MYZAP: variants seen among roughly 807,000 people sequenced by gnomAD.
MYZAP encodes the protein myocardial zonula adherens protein, also known as GRINL1A complex locus upstream.
In MYZAP, 66 loss-of-function variants were observed where a neutral mutation model predicts 69.4. The observed-to-expected ratio is 0.95, with a 90% CI of 0.78 to 1.17. The LOEUF (loss-of-function observed/expected upper bound fraction) is 1.17. MYZAP is among the 50% of genes most tolerant of loss of function. MYZAP has a pLI of 0.00. For synonymous variants in MYZAP, 256 were observed against 205.9 expected, an observed-to-expected ratio of 1.24 and a Z score of -2.09; for missense variants, 611 against 556.2, an observed-to-expected ratio of 1.10 and a Z score of -0.99.
Position 57,661,460 on chromosome 15 carries a change from TAAAGAA to T in MYZAP, c.1135_1140del (p.Lys379_Lys380del). On this transcript the variant is annotated inframe_deletion, in exon 11 of 13. Coordinates refer to ENST00000267853, the MANE Select transcript of MYZAP (RefSeq NM_001018100.5). ...TCCCTTTCTTTCTAGATTGAATCATTAAAGAAAAAGTTGCAACAGAAACAGCTCTTA... is the reference window on the plus strand; with the variant it reads ...TCCCTTTCTTTCTAGATTGAATCATTAAAGTTGCAACAGAAACAGCTCTTA... 1.9e-6 allele frequency: 3 copies of T among 1,607,586 alleles called. No homozygotes were observed. The highest frequency in any genetic ancestry group is 1.7e-6 in the Non-Finnish European group (2 of 1,177,750).
At chr15:57,660,017 C>T (rs148098617) in intron 10 of MYZAP, among the ~76,000 whole-genome samples, 3 of 152,272 alleles carry the variant, frequency 2.0e-5, no homozygotes, top group East Asian at 3.9e-4. Flanking sequence ...AGTATACTGT[C>T]TACCTTGCCA....
At position 57,629,796 on chromosome 15, in the gene MYZAP, G is replaced by A; in HGVS notation, c.620G>A (p.Arg207Lys). The A allele has an allele frequency of 6.2e-7, 1 of 1,614,052 alleles. No homozygotes were observed. The highest frequency in any genetic ancestry group is 8.5e-7 in the Non-Finnish European group (1 of 1,180,004). The stretch of plus-strand genomic sequence containing the variant: ...TATGAAGCATCCATGGACAAGCTGA[G>A]GGAAAAGCAGAGGCAGTTGGAGGTA... ...QTYEASMDKL[R>K]EKQRQLEVAQ... The change falls in exon 6 of 13, where the codon AGG becomes AAG. Residue 207 changes from arginine (R) to lysine (K), a missense_variant. Coordinates refer to ENST00000267853, the MANE Select transcript of MYZAP (RefSeq NM_001018100.5).
At chr15:57,642,310 A>C (rs2037206328) in intron 10 of MYZAP, among the ~76,000 whole-genome samples, 1 of 152,228 alleles carries the variant, frequency 6.6e-6, no homozygotes, top group Admixed American at 6.5e-5. Flanking sequence ...CCTTATCATT[A>C]TGTTGCATAA....
At chr15:57,640,977 A>T (rs1431776948) in intron 10 of MYZAP, among the ~76,000 whole-genome samples, 4 of 152,242 alleles carry the variant, frequency 2.6e-5, no homozygotes, top group Admixed American at 6.5e-5. Context: ...ACTTTGCCAC[A>T]GTTAGCATCT....
intron 11 of MYZAP, among the ~76,000 whole-genome samples, chr15:57,667,833 A>C (rs2038658639): frequency 6.6e-6 from 1 of 152,194 alleles, no homozygotes; most frequent in Non-Finnish European, 1.5e-5. Flanking sequence ...CAGTGTTTAT[A>C]CCCATGAAAT....
At position 57,674,848 on chromosome 15, in the gene MYZAP, A is replaced by C. The variant is rs1036810259; in HGVS notation, c.1204-120A>C. On this transcript the variant is annotated intron_variant, in intron 11 of 12. Transcript: ENST00000267853. ...ATTGTGTAAGTGATGCTCTGTAAATACATTGTGATAGTTGCCCATGTCATG... is the reference window on the plus strand; with the variant it reads ...ATTGTGTAAGTGATGCTCTGTAAATCCATTGTGATAGTTGCCCATGTCATG... 2.8e-5 allele frequency: 22 copies of C among 784,116 alleles called. No homozygotes were observed. The African/African-American group carries it at 3.3e-4, about 12-fold the overall frequency. The allele number at this position is 784,116 out of a possible 1,614,324, so 48.6% of individuals were successfully genotyped here.
chr15:57,599,444 C>T, intron 1 of MYZAP: 1 of 1,156,084 alleles, frequency 8.6e-7, no homozygotes, highest in South Asian at 1.8e-5. Context: ...ATAAAGTATG[C>T]TGAGTCCAGC....
chr15:57,635,299 T>C (rs2036750746), intron 8 of MYZAP, among the ~76,000 whole-genome samples: 1 of 152,218 alleles, frequency 6.6e-6, no homozygotes, highest in South Asian at 2.1e-4. Context: ...TCCTCGTATA[T>C]AGTAAGGGTT....
At chr15:57,654,987 G>A (rs767504104) in intron 10 of MYZAP, among the ~76,000 whole-genome samples, 2 of 152,036 alleles carry the variant, frequency 1.3e-5, no homozygotes, top group African/African-American at 2.4e-5. Flanking sequence ...TTTTATATGA[G>A]ATAATTGATG....
intron 10 of MYZAP, among the ~76,000 whole-genome samples, chr15:57,642,631 T>C (rs1196263572): frequency 4.6e-5 from 7 of 152,212 alleles, no homozygotes; most frequent in Non-Finnish European, 8.8e-5. Context: ...ATAATGTCCA[T>C]GAGGAAACTT....
chr15:57,599,234 C>T (rs1380146854), intron 1 of MYZAP, among the ~76,000 whole-genome samples: 3 of 152,164 alleles, frequency 2.0e-5, no homozygotes, highest in African/African-American at 7.2e-5. Flanking sequence ...AGTACATTTC[C>T]ACTATGATTT....
At chr15:57,664,705 A>T (rs1165987932) in intron 11 of MYZAP, among the ~76,000 whole-genome samples, 1 of 152,214 alleles carries the variant, frequency 6.6e-6, no homozygotes, top group African/African-American at 2.4e-5. Flanking sequence ...TTTGGTAGAT[A>T]AATCTGGTAG....
At chr15:57,621,998 G>A (rs1320429704) in intron 4 of MYZAP, among the ~76,000 whole-genome samples, 2 of 152,050 alleles carry the variant, frequency 1.3e-5, no homozygotes, top group Admixed American at 1.3e-4. Flanking sequence ...GGCCAAACAA[G>A]AGAAATAAAC....
intron 2 of MYZAP, among the ~76,000 whole-genome samples, chr15:57,604,994 C>T (rs914700221): frequency 6.6e-6 from 1 of 152,188 alleles, no homozygotes; most frequent in Non-Finnish European, 1.5e-5. Context: ...TCTGGGAACA[C>T]AGAGAAGGGA....
chr15:57,651,098 C>T (rs1027065295), intron 10 of MYZAP, among the ~76,000 whole-genome samples: 9 of 152,098 alleles, frequency 5.9e-5, no homozygotes, highest in East Asian at 1.9e-4. Context: ...GAGAGGAGCA[C>T]GGAGGACAGC....
intron 10 of MYZAP, among the ~76,000 whole-genome samples, chr15:57,643,028 G>A (rs1008886885): frequency 1.3e-5 from 2 of 152,154 alleles, no homozygotes; most frequent in Admixed American, 6.5e-5. Context: ...ACTGAATTAA[G>A]TCTCCTGTCA....
At chr15:57,639,635 C>G in intron 10 of MYZAP, 90 bp downstream of exon 10, 1 of 1,453,426 alleles carries the variant, frequency 6.9e-7, no homozygotes, top group East Asian at 2.5e-5. Context: ...CCTCCATTTC[C>G]TGTGGCTCAC....
At chr15:57,612,326 G>A (rs1460122821) in intron 2 of MYZAP, among the ~76,000 whole-genome samples, 2 of 152,186 alleles carry the variant, frequency 1.3e-5, no homozygotes, top group African/African-American at 4.8e-5. Context: ...CTGGTGGGGC[G>A]GGGGACTGGC....
chr15:57,618,075 C>G lies in MYZAP; in HGVS notation c.205C>G (p.Gln69Glu), dbSNP rs539562560. 104 of 1,614,136 alleles carry G rather than the reference C, an allele frequency of 6.4e-5. 1 individual carries two copies. In the South Asian group the frequency reaches 1.1e-3, roughly 17 times the overall value. The stretch of plus-strand genomic sequence containing the variant: ...TGGAGAACCTACCAGGAAACTTCCT[C>G]AGGGTGTTGTTTATGGTGTGGTGCG... ...SNGEPTRKLP[Q>E]GVVYGVVRRS... is the part of the protein sequence containing the mutation. Residue 69 changes from glutamine to glutamate, a missense_variant, in exon 3 of 13, where the codon CAG (glutamine) becomes GAG (glutamate). By Grantham distance (29) the Gln-to-Glu change is conservative (BLOSUM62 2). Transcript: ENST00000267853.
Sources: gnomAD v4.1 joint callset for allele counts (sites outside exome capture counted in the v4.1 genomes callset) on GRCh38, gnomAD v4.1.1 for gene constraint, MANE v1.5 for transcripts, NCBI Gene and HGNC (gene_info 2026-07-23, HGNC 2026-07-21) for gene names.